Variants in FSTL4 observed in about 807,000 individuals in gnomAD.
The protein encoded by FSTL4 is follistatin like 4.
In FSTL4, 28 loss-of-function variants were observed where a neutral mutation model predicts 78.2. The observed-to-expected ratio is 0.36, with a 90% CI of 0.27 to 0.49. The LOEUF is 0.49. FSTL4 is among the 20% of genes least tolerant of loss of function. The pLI, the probability that FSTL4 is intolerant of heterozygous loss-of-function variation, is 0.98. For synonymous variants in FSTL4, 422 were observed against 440.5 expected, an observed-to-expected ratio of 0.96 and a Z score of 0.53; for missense variants, 922 against 1,084.9, an observed-to-expected ratio of 0.85 and a Z score of 2.11.
intron 4 of FSTL4, among the ~76,000 whole-genome samples, chr5:133,381,832 C>A (rs1755581159): frequency 6.6e-6 from 1 of 152,236 alleles, no homozygotes; most frequent in South Asian, 2.1e-4. Context: ...CCTATGAGCA[C>A]TCAGCCCTCA....
intron 3 of FSTL4, among the ~76,000 whole-genome samples, chr5:133,522,929 C>G (rs1759010744): frequency 6.6e-6 from 1 of 152,210 alleles, no homozygotes; most frequent in Non-Finnish European, 1.5e-5. Context: ...ATAATTAAGG[C>G]ATCGGAAAAA....
chr5:133,484,791 C>T (rs1758100317), intron 3 of FSTL4, among the ~76,000 whole-genome samples: 1 of 152,214 alleles, frequency 6.6e-6, no homozygotes, highest in South Asian at 2.1e-4. Context: ...AGTGTGAGGG[C>T]TTCATATTCC....
the FSTL4 span, among the ~76,000 whole-genome samples, chr5:133,651,734 T>C: frequency 0.22 from 33,082 of 152,024 alleles, 3,836 homozygotes; most frequent in Admixed American, 0.29. Flanking sequence ...AAGATATTGG[T>C]CTGATTTTCC....
intron 6 of FSTL4, among the ~76,000 whole-genome samples, chr5:133,285,408 C>A (rs1431224641): frequency 6.6e-6 from 1 of 152,132 alleles, no homozygotes; most frequent in Admixed American, 6.5e-5. Context: ...CTGGCTGGGA[C>A]CCTAGCCTTT....
intron 3 of FSTL4, among the ~76,000 whole-genome samples, chr5:133,474,918 A>G (rs953150549): frequency 2.0e-5 from 3 of 152,220 alleles, no homozygotes; most frequent in African/African-American, 7.2e-5. Context: ...GGGGGAACTC[A>G]GCCTCACAGT....
chr5:133,305,310 C>T (rs920728561), intron 6 of FSTL4, among the ~76,000 whole-genome samples: 5 of 152,218 alleles, frequency 3.3e-5, no homozygotes, highest in African/African-American at 1.2e-4. Context: ...TGGCCTTCTC[C>T]AAGCCCTGGC....
At chr5:133,456,948 C>T (rs992908789) in intron 3 of FSTL4, among the ~76,000 whole-genome samples, 3 of 152,064 alleles carry the variant, frequency 2.0e-5, no homozygotes, top group Admixed American at 1.3e-4. Context: ...AATTTTTGCC[C>T]TTCAGATCTC....
the FSTL4 span, among the ~76,000 whole-genome samples, chr5:133,795,213 G>A: frequency 3.9e-5 from 6 of 152,260 alleles, no homozygotes; most frequent in African/African-American, 1.4e-4. Flanking sequence ...CTGGCTATGG[G>A]GCCAAATGCT....
At chr5:133,252,308 G>A (rs966449147) in intron 6 of FSTL4, 3 of 152,212 alleles carry the variant, frequency 2.0e-5, no homozygotes, top group Non-Finnish European at 4.4e-5. Context: ...CCATCGGGGA[G>A]GGGCTCTTGG....
chr5:133,279,315 G>A (rs1335581929), intron 6 of FSTL4, among the ~76,000 whole-genome samples: 7 of 152,160 alleles, frequency 4.6e-5, no homozygotes, highest in Non-Finnish European at 8.8e-5. Flanking sequence ...TGCATGTGGG[G>A]GATTTAGGTA....
chr5:133,405,602 T>C (rs1756343276), intron 3 of FSTL4, among the ~76,000 whole-genome samples: 1 of 152,202 alleles, frequency 6.6e-6, no homozygotes. Flanking sequence ...CATGTAGCCA[T>C]GTGCAGATAT....
chr5:133,241,461 G>T (rs1024965107), intron 7 of FSTL4, among the ~76,000 whole-genome samples: 1 of 152,222 alleles, frequency 6.6e-6, no homozygotes, highest in African/African-American at 2.4e-5. Flanking sequence ...AGAGGCCCAG[G>T]CACCTGCAAC....
chr5:133,577,315 C>A (rs377344313), intron 2 of FSTL4, among the ~76,000 whole-genome samples: 2 of 152,234 alleles, frequency 1.3e-5, no homozygotes, highest in East Asian at 3.9e-4. Context: ...TGAAAAACAC[C>A]GAAGGGGTGC....
At chr5:133,753,344 T>G in the FSTL4 span, among the ~76,000 whole-genome samples, 3,296 of 152,284 alleles carry the variant, frequency 0.022, 116 homozygotes, top group African/African-American at 0.076. Flanking sequence ...ATGTGTCCAC[T>G]GGCAGGCATG....
chr5:133,830,438 T>G, the FSTL4 span, among the ~76,000 whole-genome samples: 5 of 152,126 alleles, frequency 3.3e-5, no homozygotes, highest in Non-Finnish European at 5.9e-5. Flanking sequence ...GGGCCACCAT[T>G]GCCAACAAGG....
chr5:133,646,143 G>C, the FSTL4 span, among the ~76,000 whole-genome samples: 7,633 of 152,202 alleles, frequency 0.05, 665 homozygotes, highest in African/African-American at 0.17. Flanking sequence ...GTGCAATGAT[G>C]TGCTTAGATA....
intron 4 of FSTL4, among the ~76,000 whole-genome samples, chr5:133,386,122 C>G (rs1380558449): frequency 6.6e-6 from 1 of 152,228 alleles, no homozygotes; most frequent in East Asian, 1.9e-4. Flanking sequence ...CAGTCCTTAC[C>G]CTGAAGGGCT....
chr5:133,679,682 T>C, the FSTL4 span, among the ~76,000 whole-genome samples: 5 of 152,296 alleles, frequency 3.3e-5, no homozygotes, highest in Admixed American at 3.3e-4. Context: ...GCCAGTCATC[T>C]ATTTGCAGAA....
At chr5:133,813,944 T>C in the FSTL4 span, among the ~76,000 whole-genome samples, 1 of 152,184 alleles carries the variant, frequency 6.6e-6, no homozygotes, top group Admixed American at 6.5e-5. Context: ...ATATGCTTAT[T>C]TGGAAATCTG....
Sources: allele counts gnomAD v4.1 joint callset (sites outside exome capture counted in the v4.1 genomes callset), GRCh38; gene constraint gnomAD v4.1.1; transcripts MANE v1.5; gene names NCBI Gene and HGNC (gene_info 2026-07-23, HGNC 2026-07-21).